Variants in UACA observed in about 807,000 individuals in gnomAD.
UACA encodes nuclear membrane binding protein.
In UACA, 112 loss-of-function variants were observed where a neutral mutation model predicts 160.5. The ratio of observed to expected loss-of-function variants is 0.70; its 90% CI spans 0.60 to 0.82. The LOEUF (loss-of-function observed/expected upper bound fraction) is 0.82, where lower values mean the gene tolerates loss of function less well. Among genes scored for constraint, UACA ranks in the 40% least tolerant of loss-of-function variants. The pLI is 0.00. For synonymous variants in UACA, 557 were observed against 568.4 expected (o/e 0.98, Z 0.29); for missense variants, 1,574 against 1,614.6 (o/e 0.97, Z 0.43).
rs1346040663 is a variant in UACA at position 70,655,573 on chromosome 15, A to G, written c.*1483T>C. 3 of 152,174 alleles carry G rather than the reference A, an allele frequency of 2.0e-5. No homozygotes were observed. The highest frequency in any genetic ancestry group is 4.4e-5 in the Non-Finnish European group (3 of 68,038). 9.4% of individuals were successfully genotyped at this position (152,174 alleles called of 1,614,324 possible). ...ATTTTTTATTGAAATAGGTGGCCCA[A>G]AACTTGTGAAACAGAACTCATGCTG... On this transcript the variant is annotated 3_prime_UTR_variant, in exon 19 of 19. Transcript: ENST00000322954.
At chr15:70,665,376 T>C (rs1019898385) in intron 16 of UACA, among the ~76,000 whole-genome samples, 3 of 152,224 alleles carry the variant, frequency 2.0e-5, no homozygotes, top group South Asian at 4.1e-4. Flanking sequence ...AGTCAACTTG[T>C]ATGAGCTTGG....
intron 1 of UACA, among the ~76,000 whole-genome samples, chr15:70,736,056 T>A (rs186849658): frequency 3.9e-5 from 6 of 152,322 alleles, no homozygotes; most frequent in Admixed American, 3.9e-4. Context: ...TTTAATTGAT[T>A]TTTGAATTTA....
At chr15:70,684,075 C>T (rs565969184) in intron 8 of UACA, among the ~76,000 whole-genome samples, 190 bp downstream of exon 8, 1 of 151,858 alleles carries the variant, frequency 6.6e-6, no homozygotes, top group East Asian at 1.9e-4. Flanking sequence ...ATATATGCAA[C>T]ACACACTGCC....
chr15:70,756,950 A>G (rs1196756078), intron 1 of UACA, among the ~76,000 whole-genome samples: 1 of 152,204 alleles, frequency 6.6e-6, no homozygotes, highest in Admixed American at 6.5e-5. Context: ...AATGTTTCAA[A>G]TAATTCGATA....
chr15:70,739,240 G>T (rs916950173), intron 1 of UACA, among the ~76,000 whole-genome samples: 1 of 152,028 alleles, frequency 6.6e-6, no homozygotes, highest in Non-Finnish European at 1.5e-5. Flanking sequence ...TATAAGGCAG[G>T]GTTTCTCAAT....
At position 70,657,112 on chromosome 15, in the gene UACA, C is replaced by T. The variant is rs1170318180; in HGVS notation, c.4195G>A (p.Asp1399Asn). The change falls in exon 19 of 19, where the codon GAT (aspartate) becomes AAT (asparagine). Residue 1399 changes from aspartate to asparagine, a missense_variant. By Grantham distance (23) the Asp-to-Asn change is conservative. Coordinates refer to ENST00000322954, the MANE Select transcript of UACA (RefSeq NM_018003.4). ...ATCTGGAGCAGAGCCTCCTGAACAT[C>T]TTCATCCATGTGACCCTTCGGAGAA... ...LSAAQGHMDE[D>N]VQEALLQIIQ... 6.2e-7 allele frequency: 1 copy of T among 1,614,076 alleles called. No individual in the cohort carries two copies. The highest frequency in any genetic ancestry group is 8.5e-7 in the Non-Finnish European group (1 of 1,179,948).
rs116310822 is a variant in UACA at position 70,720,760 on chromosome 15, T to C, written c.79-21100A>G. Among the ~76,000 whole-genome samples the C allele has an allele frequency of 9.7e-3, 1,485 of 152,312 alleles. 32 individuals are homozygous for C. The highest frequency in any genetic ancestry group is 0.033 in the African/African-American group (1,381 of 41,556). On this transcript the variant is annotated intron_variant, in intron 1 of 18. Coordinates refer to ENST00000322954, the MANE Select transcript of UACA (RefSeq NM_018003.4). ...GAGGACAAACTGTGGTAGATTATAT[T>C]ACTGTTTGGTATTTACCAGCCCTGT...
At chr15:70,764,453 C>T (rs1163477987), upstream of UACA, among the ~76,000 whole-genome samples, 1 of 152,166 alleles carries the variant, frequency 6.6e-6, no homozygotes, top group Non-Finnish European at 1.5e-5. Context: ...ATTTGCTGTT[C>T]GGGTGACATC....
rs184295237 is a variant in UACA, at chr15:70,749,872, A to G, written c.78+13458T>C. On this transcript the variant is annotated intron_variant, in intron 1 of 18. Transcript: ENST00000322954. ...CTGAATATAAATATGTGCACTTCAA[A>G]AAAAATAAAATAAAAACACTAAATT... 5.9e-5 allele frequency among the ~76,000 whole-genome samples: 9 copies of G among 152,300 alleles called. No individual in the cohort carries two copies. In the East Asian group the frequency reaches 1.7e-3, roughly 29 times the overall value.
intron 1 of UACA, among the ~76,000 whole-genome samples, chr15:70,762,514 A>C (rs1170802608): frequency 6.6e-6 from 1 of 152,210 alleles, no homozygotes; most frequent in East Asian, 1.9e-4. Flanking sequence ...ATCTGCGGTC[A>C]GGCTGTTTCT....
intron 1 of UACA, among the ~76,000 whole-genome samples, chr15:70,744,217 C>A (rs1899626619): frequency 6.8e-6 from 1 of 146,042 alleles, no homozygotes; most frequent in Non-Finnish European, 1.5e-5. Flanking sequence ...CCACTGCATT[C>A]CAGCCTGGGC....
At chr15:70,735,238 T>C (rs542752939) in intron 1 of UACA, among the ~76,000 whole-genome samples, 1 of 148,220 alleles carries the variant, frequency 6.7e-6, no homozygotes, top group Admixed American at 6.9e-5. Flanking sequence ...AACTGCATAC[T>C]GCGTACTATG....
At position 70,669,187 on chromosome 15, in the gene UACA, T is replaced by C. The variant is rs1897050313; in HGVS notation, c.1497A>G (p.Leu499=). 1 of 1,613,916 alleles carries C rather than the reference T, an allele frequency of 6.2e-7. No individual in the cohort carries two copies. Among genetic ancestry groups the C allele is most frequent in the Non-Finnish European group, 8.5e-7 (1 of 1,180,002 alleles). ...DEQIKQLEDA[L]KDVQKRMYES... is the part of the protein sequence containing the mutation. Reference sequence around the variant, plus strand: ...CATACATCCTCTTCTGCACATCTTTTAATGCATCTTCTAATTGCTTTATCT... The same window carrying C: ...CATACATCCTCTTCTGCACATCTTTCAATGCATCTTCTAATTGCTTTATCT... The change falls in exon 16 of 19, where the codon TTA becomes TTG. Residue 499 remains leucine (L), a synonymous_variant. Transcript: ENST00000322954.
intron 18 of UACA, among the ~76,000 whole-genome samples, chr15:70,657,537 G>A (rs1025546178): frequency 6.6e-6 from 1 of 152,178 alleles, no homozygotes; most frequent in Admixed American, 6.5e-5. Context: ...AGAGGTTGCA[G>A]CGAACCAAGA....
At chr15:70,700,356 C>T (rs921742317) in intron 1 of UACA, among the ~76,000 whole-genome samples, 3 of 147,464 alleles carry the variant, frequency 2.0e-5, no homozygotes. Flanking sequence ...ATACAGAAAG[C>T]AATTCATTAT....
chr15:70,724,723 C>A (rs1227773053), intron 1 of UACA, among the ~76,000 whole-genome samples: 1 of 152,040 alleles, frequency 6.6e-6, no homozygotes, highest in Non-Finnish European at 1.5e-5. Flanking sequence ...AGATTAAACT[C>A]TTTCTCTATA....
intron 13 of UACA, among the ~76,000 whole-genome samples, chr15:70,674,003 AG>A (rs1897225702): frequency 6.6e-6 from 1 of 152,114 alleles, no homozygotes; most frequent in African/African-American, 2.4e-5. Flanking sequence ...CTGGGATTAT[AG>A]GCATGCACCA....
At chr15:70,766,637 G>A (rs2031014736), upstream of UACA, among the ~76,000 whole-genome samples, 1 of 152,146 alleles carries the variant, frequency 6.6e-6, no homozygotes, top group Non-Finnish European at 1.5e-5. Context: ...GATAACAAAT[G>A]TGTAAGCTGT....
chr15:70,666,753 C>A lies in UACA; in HGVS notation c.3931G>T (p.Ala1311Ser). The change falls in exon 16 of 19, where the codon GCT (alanine) becomes TCT (serine). Residue 1311 changes from alanine to serine, a missense_variant. Ala to Ser is a moderately conservative substitution (Grantham distance 99). Transcript: ENST00000322954. ...TELQRRIQES[A>S]KQIEAKDNKI... Reference sequence around the variant, plus strand: ...TTATCTTTTGCTTCTATTTGTTTAGCAGATTCTTGTATTCTTCTTTGTAAC... The same window carrying A: ...TTATCTTTTGCTTCTATTTGTTTAGAAGATTCTTGTATTCTTCTTTGTAAC... The A allele has an allele frequency of 1.2e-6, 2 of 1,607,298 alleles. No individual in the cohort carries two copies. The highest frequency in any genetic ancestry group is 1.1e-5 in the South Asian group (1 of 89,460).
Sources: allele counts gnomAD v4.1 joint callset (sites outside exome capture counted in the v4.1 genomes callset), GRCh38; gene constraint gnomAD v4.1.1; transcripts MANE v1.5; gene names NCBI Gene and HGNC (gene_info 2026-07-23, HGNC 2026-07-21).